Variants in MAP4 observed in about 807,000 individuals in gnomAD.
The protein encoded by MAP4 is microtubule-associated protein 4.
Under a neutral mutation model 170.2 loss-of-function variants are expected in MAP4, and 76 were observed. The ratio of observed to expected loss-of-function variants is 0.45; its 90% confidence interval spans 0.37 to 0.54. The LOEUF (loss-of-function observed/expected upper bound fraction) is 0.54. MAP4 is among the 20% of genes least tolerant of loss of function. The pLI, the probability that MAP4 is intolerant of heterozygous loss-of-function variation, is 0.00. For missense variants in MAP4, 2,506 were observed against 2,748.0 expected (o/e 0.91, Z 1.97); for synonymous variants, 909 against 994.5 (o/e 0.91, Z 1.62).
rs1251429624 is a variant in MAP4, at chr3:47,869,240, T to C, written c.6382A>G (p.Ser2128Gly). 1.9e-6 allele frequency: 3 copies of C among 1,613,554 alleles called. No homozygotes were observed. The highest frequency in any genetic ancestry group is 2.2e-5 in the East Asian group (1 of 44,896). ...AVTKTAGPIA[S>G]AQKQPAGKVQ... ...TTCCCCGCAGGTTGTTTCTGTGCAC[T>C]TGCAATTGGGCCGGCTGTTTTAGTG... is the stretch of plus-strand genomic sequence containing the variant. The change falls in exon 16 of 21, where the codon AGT (serine) becomes GGT (glycine). Residue 2128 changes from serine (S) to glycine (G), a missense_variant. Physicochemically the swap from Ser to Gly is moderately conservative, Grantham distance 56. This residue lies in a region of MAP4 where 487 missense variants were observed against 511.6 expected (regional missense o/e 0.95). Coordinates refer to ENST00000683076, the MANE Select transcript of MAP4 (RefSeq NM_001385682.1).
intron 5 of MAP4, among the ~76,000 whole-genome samples, chr3:47,919,177 C>T (rs556194772): frequency 3.9e-5 from 6 of 152,212 alleles, no homozygotes; most frequent in African/African-American, 1.4e-4. Flanking sequence ...TTGATCCAAC[C>T]GCCTCGGCCT....
intron 2 of MAP4, among the ~76,000 whole-genome samples, chr3:47,992,763 G>A (rs1206084948): frequency 2.6e-5 from 4 of 151,910 alleles, no homozygotes; most frequent in Non-Finnish European, 5.9e-5. Context: ...AATTAGCTGG[G>A]CATGGTAGCA....
chr3:47,885,554 A>G lies in MAP4; in HGVS notation c.5435-8031T>C, dbSNP rs555859060. 3.5e-4 allele frequency among the ~76,000 whole-genome samples: 54 copies of G among 152,302 alleles called. No individual in the cohort carries two copies. The South Asian group carries it at 0.011, about 31-fold the overall frequency. ...TATTTACAGGGGAGGAGCAGAAAAC[A>G]ATGAGATGATACCATCTTGTCTTGG... is the stretch of plus-strand genomic sequence containing the variant. On this transcript the variant is annotated intron_variant, in intron 10 of 20. Coordinates refer to ENST00000683076, the MANE Select transcript of MAP4 (RefSeq NM_001385682.1).
At chr3:47,979,740 C>T (rs1270046286) in intron 2 of MAP4, among the ~76,000 whole-genome samples, 4 of 152,094 alleles carry the variant, frequency 2.6e-5, no homozygotes, top group Admixed American at 6.5e-5. Flanking sequence ...GGATTACAGG[C>T]ATGAGCCACT....
chr3:47,999,780 C>A (rs1334677751), intron 1 of MAP4, among the ~76,000 whole-genome samples: 1 of 151,678 alleles, frequency 6.6e-6, no homozygotes, highest in Admixed American at 6.6e-5. Context: ...TACAACAAAC[C>A]CTTGTGACAT....
intron 1 of MAP4, among the ~76,000 whole-genome samples, chr3:48,048,354 T>C (rs1293153880): frequency 2.6e-5 from 4 of 151,800 alleles, no homozygotes; most frequent in South Asian, 2.1e-4. Context: ...CTGTGCCTCC[T>C]AACCACACCT....
At chr3:48,011,677 G>T (rs1246008271) in intron 1 of MAP4, among the ~76,000 whole-genome samples, 4 of 151,900 alleles carry the variant, frequency 2.6e-5, no homozygotes, top group Non-Finnish European at 5.9e-5. Context: ...AAGTATTATT[G>T]TAACTCCAGA....
intron 3 of MAP4, among the ~76,000 whole-genome samples, chr3:47,956,243 T>C (rs1391826171): frequency 2.0e-5 from 3 of 152,274 alleles, no homozygotes; most frequent in African/African-American, 7.2e-5. Context: ...GACTTCAGCA[T>C]TGAGTTCTGT....
rs201465788 is a variant in MAP4, at chr3:47,916,885, C to A, written c.942G>T (p.Val314=). Reference sequence around the variant, plus strand: ...GCCATCTGACATCCTTAACCAGGGCCACTTCTTTTTCTGTGGGTAGTTCCA... The same window carrying A: ...GCCATCTGACATCCTTAACCAGGGCAACTTCTTTTTCTGTGGGTAGTTCCA... ...KDMELPTEKE[V]ALVKDVRWPT... The change falls in exon 7 of 21, where the codon GTG becomes GTT. Residue 314 remains valine, a synonymous_variant. Coordinates refer to ENST00000683076, the MANE Select transcript of MAP4 (RefSeq NM_001385682.1). The A allele has an allele frequency of 6.2e-7, 1 of 1,614,140 alleles. No homozygotes were observed. The highest frequency in any genetic ancestry group is 1.3e-5 in the African/African-American group (1 of 75,016).
chr3:47,914,971 CAG>C (rs756265827), intron 7 of MAP4, 32 bp from the exon 8 acceptor site: 1 of 1,613,102 alleles, frequency 6.2e-7, no homozygotes, highest in South Asian at 1.1e-5. Context: ...ACACACGTTT[CAG>C]AGAAGCATGA....
At chr3:47,969,038 GA>G (rs1159517651) in intron 3 of MAP4, among the ~76,000 whole-genome samples, 1 of 151,890 alleles carries the variant, frequency 6.6e-6, no homozygotes, top group Non-Finnish European at 1.5e-5. Flanking sequence ...ACTAACTAAA[GA>G]AAAAAACGTT....
chr3:47,921,249 T>C (rs1338235478), intron 5 of MAP4, among the ~76,000 whole-genome samples: 1 of 152,142 alleles, frequency 6.6e-6, no homozygotes. Flanking sequence ...AAATCTGACT[T>C]TTCTTAGTGG....
intron 1 of MAP4, among the ~76,000 whole-genome samples, chr3:48,031,292 C>CT (rs1289930902): frequency 6.6e-6 from 1 of 152,198 alleles, no homozygotes; most frequent in Non-Finnish European, 1.5e-5. Flanking sequence ...TGGCTCACAC[C>CT]TGTAATCCCA....
At chr3:48,088,532 C>G (rs562579348) in intron 1 of MAP4, among the ~76,000 whole-genome samples, 1 of 151,810 alleles carries the variant, frequency 6.6e-6, no homozygotes, top group African/African-American at 2.4e-5. Flanking sequence ...CCTCTCAGCC[C>G]CCCTCACTCC....
At chr3:48,005,736 G>C (rs1487037298) in intron 1 of MAP4, among the ~76,000 whole-genome samples, 1 of 152,178 alleles carries the variant, frequency 6.6e-6, no homozygotes, top group South Asian at 2.1e-4. Context: ...GGGTCCAGAA[G>C]ATATACCCTT....
Position 47,850,827 on chromosome 3 carries a change from A to G in MAP4, c.*2107T>C, listed in dbSNP as rs1207259096. On this transcript the variant is annotated 3_prime_UTR_variant, in exon 21 of 21. Transcript: ENST00000683076. ...AATGTCCCACCCCAAACAGCTGCGG[A>G]GTACACATCACACAGGGCCTCTGGT... The G allele has an allele frequency of 6.6e-6, 1 of 152,448 alleles. No individual in the cohort carries two copies. Among genetic ancestry groups the G allele is most frequent in the African/African-American group, 2.4e-5 (1 of 41,436 alleles). 9.4% of individuals were successfully genotyped at this position (152,448 alleles called of 1,614,324 possible). A position where few individuals can be genotyped will look rare whatever the true frequency, so the allele number is the denominator to read the frequency against.
At chr3:47,978,812 C>A in intron 2 of MAP4, among the ~76,000 whole-genome samples, 1 of 142,130 alleles carries the variant, frequency 7.0e-6, no homozygotes, top group East Asian at 2.1e-4. Flanking sequence ...TGTTGAGCAT[C>A]TTTTCATGTG....
chr3:47,978,510 AT>A (rs1183628520), intron 2 of MAP4, among the ~76,000 whole-genome samples: 2 of 151,946 alleles, frequency 1.3e-5, no homozygotes, highest in African/African-American at 4.8e-5. Flanking sequence ...TAGAAATGGG[AT>A]TTCACCATGT....
intron 1 of MAP4, among the ~76,000 whole-genome samples, chr3:48,055,592 A>C (rs1185092237): frequency 7.4e-6 from 1 of 135,276 alleles, no homozygotes; most frequent in Non-Finnish European, 1.6e-5. Flanking sequence ...GGCCTCCCAA[A>C]GTGCCGAGAT....
Sources: allele counts gnomAD v4.1 joint callset (sites outside exome capture counted in the v4.1 genomes callset), GRCh38; gene constraint gnomAD v4.1.1; regional missense constraint gnomAD v4.1.1; transcripts MANE v1.5; gene names NCBI Gene and HGNC (gene_info 2026-07-23, HGNC 2026-07-21).